CSMD1: variants seen among roughly 807,000 people sequenced by gnomAD.
CSMD1 encodes the protein CUB and Sushi multiple domains 1.
In CSMD1, 213 loss-of-function variants were observed where a neutral mutation model predicts 417.5. The observed-to-expected ratio is 0.51, with a 90% confidence interval of 0.46 to 0.57. The LOEUF (loss-of-function observed/expected upper bound fraction) is 0.57, where lower values mean the gene tolerates loss of function less well. Among genes scored for constraint, CSMD1 ranks in the 20% least tolerant of loss-of-function variants. The pLI is 0.00. For synonymous variants in CSMD1, 2,862 were observed against 1,736.8 expected (o/e 1.65, Z -16.11); for missense variants, 6,923 against 4,529.7 (o/e 1.53, Z -15.17).
chr8:4,944,163 AAG>A (rs1172185240), intron 1 of CSMD1, among the ~76,000 whole-genome samples: 2 of 152,166 alleles, frequency 1.3e-5, no homozygotes, highest in Non-Finnish European at 2.9e-5. Flanking sequence ...AGTCTCATGA[AAG>A]AGAAAAAATC....
In CSMD1 at chr8:3,992,652, G is replaced by A. The variant is rs184961973; in HGVS notation, c.818+5251C>T. On this transcript the variant is annotated intron_variant, in intron 5 of 69. Transcript: ENST00000635120. ...TGTTTTAAAAATTAGCCAGGGTTCT[G>A]CACCTGTAGTCCCAGATACAAGGAA... is the stretch of plus-strand genomic sequence containing the variant. 2.0e-5 allele frequency among the ~76,000 whole-genome samples: 3 copies of A among 152,236 alleles called. No homozygotes were observed. In the East Asian group the frequency reaches 5.8e-4, roughly 29 times the overall value.
intron 1 of CSMD1, among the ~76,000 whole-genome samples, chr8:4,820,606 T>C (rs1799468982): frequency 6.6e-6 from 1 of 152,176 alleles, no homozygotes; most frequent in Admixed American, 6.5e-5. Context: ...GATAGCTTTC[T>C]GAAATCACTG....
At chr8:4,850,449 A>C (rs532435627) in intron 1 of CSMD1, among the ~76,000 whole-genome samples, 1 of 68,262 alleles carries the variant, frequency 1.5e-5, no homozygotes, top group South Asian at 4.5e-4. Flanking sequence ...TTTTTCATTG[A>C]TTGCTCAGGA....
At chr8:3,893,829 C>T (rs1807162011) in intron 5 of CSMD1, among the ~76,000 whole-genome samples, 1 of 152,040 alleles carries the variant, frequency 6.6e-6, no homozygotes, top group Admixed American at 6.5e-5. Context: ...TACCTGTTGC[C>T]AGACTGACCC....
intron 1 of CSMD1, among the ~76,000 whole-genome samples, chr8:4,874,023 G>C (rs1563645595): frequency 6.6e-6 from 1 of 152,110 alleles, no homozygotes; most frequent in Non-Finnish European, 1.5e-5. Flanking sequence ...CGCATGATTA[G>C]TCTATCATCT....
At chr8:3,460,279 G>A (rs184640487) in intron 12 of CSMD1, among the ~76,000 whole-genome samples, 2 of 152,246 alleles carry the variant, frequency 1.3e-5, no homozygotes, top group African/African-American at 2.4e-5. Context: ...AGATACGTGT[G>A]CAAAGGTAAA....
chr8:4,450,120 C>A (rs988994413), intron 2 of CSMD1, among the ~76,000 whole-genome samples: 9 of 152,274 alleles, frequency 5.9e-5, no homozygotes, highest in African/African-American at 2.2e-4. Flanking sequence ...ACCAGCACTT[C>A]TTTGTCCATT....
chr8:4,200,509 G>A (rs1440751639), intron 3 of CSMD1, among the ~76,000 whole-genome samples: 1 of 152,120 alleles, frequency 6.6e-6, no homozygotes, highest in African/African-American at 2.4e-5. Flanking sequence ...TAAAAAATGA[G>A]AAATTATTTA....
chr8:3,985,667 C>T (rs569343454), intron 5 of CSMD1, among the ~76,000 whole-genome samples: 1 of 152,112 alleles, frequency 6.6e-6, no homozygotes, highest in South Asian at 2.1e-4. Flanking sequence ...TAGGTTGATG[C>T]TAGAATTCTC....
intron 3 of CSMD1, among the ~76,000 whole-genome samples, chr8:4,206,430 G>A (rs77214331): frequency 5.3e-5 from 8 of 152,058 alleles, no homozygotes; most frequent in South Asian, 2.1e-4. Context: ...CTGAGAACAT[G>A]CGGTGTTTGG....
At chr8:3,595,544 G>A (rs1348745819) in intron 8 of CSMD1, among the ~76,000 whole-genome samples, 1 of 152,192 alleles carries the variant, frequency 6.6e-6, no homozygotes, top group Admixed American at 6.5e-5. Flanking sequence ...TTTAGATACT[G>A]TGTGTTAGCA....
chr8:4,457,974 G>C (rs76887515), intron 2 of CSMD1, among the ~76,000 whole-genome samples: 5 of 152,176 alleles, frequency 3.3e-5, no homozygotes, highest in African/African-American at 1.2e-4. Context: ...GTACTTCTTT[G>C]GTTGGTGGCA....
intron 5 of CSMD1, among the ~76,000 whole-genome samples, chr8:3,926,174 T>C (rs1809713961): frequency 6.6e-6 from 1 of 151,340 alleles, no homozygotes; most frequent in Non-Finnish European, 1.5e-5. Flanking sequence ...ACTTTCTAAG[T>C]CATATTTTTC....
intron 2 of CSMD1, among the ~76,000 whole-genome samples, chr8:4,543,817 T>C (rs1484916470): frequency 6.6e-6 from 1 of 152,152 alleles, no homozygotes; most frequent in Admixed American, 6.5e-5. Flanking sequence ...TTTTGAATTT[T>C]AACCATTCTA....
At chr8:3,986,530 C>G (rs55780782) in intron 5 of CSMD1, among the ~76,000 whole-genome samples, 36,632 of 152,132 alleles carry the variant, frequency 0.24, 4,453 homozygotes, top group East Asian at 0.38. Context: ...TTTCTACTCC[C>G]ATGATCAGCA....
At chr8:3,437,586 G>C (rs1186796692) in intron 12 of CSMD1, among the ~76,000 whole-genome samples, 1 of 152,158 alleles carries the variant, frequency 6.6e-6, no homozygotes, top group Non-Finnish European at 1.5e-5. Context: ...CATCCTCAAT[G>C]AATGTTATTT....
At chr8:4,746,747 G>C (rs1355036795) in intron 1 of CSMD1, among the ~76,000 whole-genome samples, 1 of 152,006 alleles carries the variant, frequency 6.6e-6, no homozygotes, top group Non-Finnish European at 1.5e-5. Flanking sequence ...GTCACCGGTA[G>C]AACCTTCACT....
intron 3 of CSMD1, among the ~76,000 whole-genome samples, chr8:4,269,923 G>T (rs537387616): frequency 6.6e-6 from 1 of 152,142 alleles, no homozygotes; most frequent in African/African-American, 2.4e-5. Context: ...AGGAAGAAGG[G>T]CGTTCAAGCC....
At chr8:4,444,282 C>T (rs927223285) in intron 2 of CSMD1, among the ~76,000 whole-genome samples, 1 of 130,434 alleles carries the variant, frequency 7.7e-6, no homozygotes, top group Non-Finnish European at 1.6e-5. Flanking sequence ...GGGAGGTGGA[C>T]GTTGCAGTGA....
Sources: gnomAD v4.1 joint callset for allele counts (sites outside exome capture counted in the v4.1 genomes callset) on GRCh38, gnomAD v4.1.1 for gene constraint, MANE v1.5 for transcripts, NCBI Gene and HGNC (gene_info 2026-07-23, HGNC 2026-07-21) for gene names.